Variants in CACNA2D3 observed in about 807,000 individuals in gnomAD.
The protein encoded by CACNA2D3 is calcium voltage-gated channel auxiliary subunit alpha2delta 3, also known as voltage-dependent calcium channel subunit alpha-2/delta-3.
CACNA2D3 carries 60 observed loss-of-function variants against 160.6 expected under a neutral mutation model. The observed-to-expected ratio is 0.37, with a 90% CI of 0.30 to 0.46. The LOEUF is 0.46. CACNA2D3 is among the 20% of genes least tolerant of loss of function. The pLI, the probability that CACNA2D3 is intolerant of heterozygous loss-of-function variation, is 1.00. For missense variants in CACNA2D3, 1,205 were observed against 1,365.0 expected, an observed-to-expected ratio of 0.88 and a Z score of 1.85; for synonymous variants, 558 against 492.9, an observed-to-expected ratio of 1.13 and a Z score of -1.75.
chr3:54,916,413 T>A (rs1700659752), intron 27 of CACNA2D3, among the ~76,000 whole-genome samples: 1 of 152,084 alleles, frequency 6.6e-6, no homozygotes, highest in Non-Finnish European at 1.5e-5. Context: ...GGAGAGGAGG[T>A]GCCAGGGCCT....
intron 27 of CACNA2D3, among the ~76,000 whole-genome samples, chr3:54,954,945 C>T (rs1437900740): frequency 6.6e-6 from 1 of 152,212 alleles, no homozygotes; most frequent in African/African-American, 2.4e-5. Flanking sequence ...CATTCATTTA[C>T]TCATCTAGCT....
At chr3:54,614,563 CTCTTCAGT>C (rs1698809678) in intron 9 of CACNA2D3, among the ~76,000 whole-genome samples, 1 of 152,126 alleles carries the variant, frequency 6.6e-6, no homozygotes, top group Non-Finnish European at 1.5e-5. Context: ...TTACTTGGCC[CTCTTCAGT>C]TATTTTTTTC....
intron 2 of CACNA2D3, among the ~76,000 whole-genome samples, chr3:54,309,905 T>A (rs1177372313): frequency 2.0e-5 from 3 of 151,916 alleles, no homozygotes; most frequent in African/African-American, 7.3e-5. Flanking sequence ...GCTGAGCCAC[T>A]CCCTGCATCC....
intron 35 of CACNA2D3, among the ~76,000 whole-genome samples, chr3:55,060,802 T>C (rs540072353): frequency 6.6e-6 from 1 of 152,324 alleles, no homozygotes; most frequent in East Asian, 1.9e-4. Context: ...ACTAAAATGA[T>C]AGCCAAGTTT....
At chr3:54,920,446 A>G (rs908696138) in intron 27 of CACNA2D3, among the ~76,000 whole-genome samples, 15 of 152,172 alleles carry the variant, frequency 9.9e-5, no homozygotes, top group African/African-American at 3.6e-4. Context: ...TGGCTTCTCT[A>G]GCAATCCTTT....
chr3:54,759,753 G>T (rs1054326160), intron 12 of CACNA2D3, among the ~76,000 whole-genome samples: 1 of 152,102 alleles, frequency 6.6e-6, no homozygotes, highest in South Asian at 2.1e-4. Flanking sequence ...GCTACAATAC[G>T]CAAATAGCCC....
intron 5 of CACNA2D3, among the ~76,000 whole-genome samples, chr3:54,559,008 G>C (rs1471649301): frequency 2.6e-5 from 4 of 151,980 alleles, no homozygotes; most frequent in Non-Finnish European, 2.9e-5. Flanking sequence ...CTATACCCCG[G>C]GAAGGACCCA....
intron 2 of CACNA2D3, among the ~76,000 whole-genome samples, chr3:54,221,174 G>A (rs1701562495): frequency 6.6e-6 from 1 of 152,192 alleles, no homozygotes; most frequent in African/African-American, 2.4e-5. Flanking sequence ...ACCTGTGGCA[G>A]GCATTTTGTT....
chr3:54,661,370 A>C (rs536051101), intron 11 of CACNA2D3, among the ~76,000 whole-genome samples: 31 of 152,304 alleles, frequency 2.0e-4, no homozygotes, highest in African/African-American at 7.2e-4. Flanking sequence ...ATGGGACAGA[A>C]ACAAAAACTA....
At chr3:54,452,400 A>G (rs146595637) in intron 4 of CACNA2D3, among the ~76,000 whole-genome samples, 266 of 152,280 alleles carry the variant, frequency 1.7e-3, no homozygotes, top group African/African-American at 6.0e-3. Context: ...GATTATTACA[A>G]TTTAAGGTGA....
intron 13 of CACNA2D3, among the ~76,000 whole-genome samples, chr3:54,790,983 C>T (rs1319903038): frequency 1.3e-5 from 2 of 152,168 alleles, no homozygotes; most frequent in African/African-American, 4.8e-5. Flanking sequence ...CACTATTAAC[C>T]AGCCCATTGG....
At chr3:54,640,921 C>A (rs1699504254) in intron 10 of CACNA2D3, among the ~76,000 whole-genome samples, 1 of 152,026 alleles carries the variant, frequency 6.6e-6, no homozygotes, top group Admixed American at 6.6e-5. Context: ...CTCCTTTGGG[C>A]TTATTTCCTA....
intron 8 of CACNA2D3, among the ~76,000 whole-genome samples, chr3:54,574,836 C>A (rs1702556031): frequency 1.3e-5 from 2 of 152,370 alleles, no homozygotes; most frequent in African/African-American, 4.8e-5. Context: ...TAAATGCCTC[C>A]TGCAGCCCAT....
intron 8 of CACNA2D3, among the ~76,000 whole-genome samples, chr3:54,578,356 C>T (rs745575287): frequency 9.8e-5 from 15 of 152,312 alleles, no homozygotes; most frequent in Non-Finnish European, 1.2e-4. Flanking sequence ...ATATATATGG[C>T]TCTTCTACAA....
chr3:54,581,760 A>G (rs1419163389), intron 8 of CACNA2D3, 43 bp from the exon 9 acceptor site: 5 of 1,511,842 alleles, frequency 3.3e-6, no homozygotes, highest in South Asian at 1.1e-5. Flanking sequence ...GTACCCTTCA[A>G]TTCCTTAATT....
At chr3:55,072,082 C>T (rs1270599722) in intron 35 of CACNA2D3, among the ~76,000 whole-genome samples, 1 of 152,132 alleles carries the variant, frequency 6.6e-6, no homozygotes, top group East Asian at 1.9e-4. Flanking sequence ...AAGATACAGA[C>T]AGATATAGAT....
At chr3:54,580,801 C>T (rs1017115993) in intron 8 of CACNA2D3, among the ~76,000 whole-genome samples, 4 of 152,194 alleles carry the variant, frequency 2.6e-5, no homozygotes, top group African/African-American at 9.7e-5. Flanking sequence ...CCAGAGCCTG[C>T]TTCCCAGAGG....
intron 24 of CACNA2D3, among the ~76,000 whole-genome samples, chr3:54,889,705 G>C (rs1387090997): frequency 6.6e-6 from 1 of 152,202 alleles, no homozygotes; most frequent in Non-Finnish European, 1.5e-5. Context: ...GAGCCCCAGA[G>C]AGACTGCCAT....
intron 35 of CACNA2D3, among the ~76,000 whole-genome samples, chr3:55,057,035 A>G (rs1454259216): frequency 6.6e-6 from 1 of 152,146 alleles, no homozygotes; most frequent in Non-Finnish European, 1.5e-5. Flanking sequence ...CTCATCTTGA[A>G]TTGTAGCTCC....
Sources: gnomAD v4.1 joint callset for allele counts (sites outside exome capture counted in the v4.1 genomes callset) on GRCh38, gnomAD v4.1.1 for gene constraint, MANE v1.5 for transcripts, NCBI Gene and HGNC (gene_info 2026-07-23, HGNC 2026-07-21) for gene names.